The following ARHGAP24 variants were observed in gnomAD, a reference collection of about 807,000 sequenced individuals.
ARHGAP24 encodes the protein Rho GTPase activating protein 24.
A neutral mutation model predicts 76.4 loss-of-function variants in ARHGAP24; 50 were observed. The ratio of observed to expected loss-of-function variants is 0.65; its 90% CI spans 0.52 to 0.83. ARHGAP24 has a LOEUF of 0.83. Ranked by LOEUF, ARHGAP24 falls within the 40% of genes least tolerant of loss-of-function variation. The pLI, the probability that ARHGAP24 is intolerant of heterozygous loss-of-function variation, is 0.00. For synonymous variants in ARHGAP24, 345 were observed against 323.3 expected, an observed-to-expected ratio of 1.07 and a Z score of -0.72; for missense variants, 930 against 914.2, an observed-to-expected ratio of 1.02 and a Z score of -0.22.
At chr4:85,525,297 C>T (rs1724940265) in intron 1 of ARHGAP24, among the ~76,000 whole-genome samples, 1 of 139,174 alleles carries the variant, frequency 7.2e-6, no homozygotes. Context: ...ATTTGTGGCT[C>T]CTTTTATGCA....
At chr4:85,635,067 A>G (rs539019200) in intron 2 of ARHGAP24, among the ~76,000 whole-genome samples, 1 of 151,984 alleles carries the variant, frequency 6.6e-6, no homozygotes, top group East Asian at 1.9e-4. Context: ...TGCTACCAAG[A>G]CCAATATATG....
chr4:85,824,765 C>T (rs1414216190), intron 3 of ARHGAP24, among the ~76,000 whole-genome samples: 1 of 152,048 alleles, frequency 6.6e-6, no homozygotes, highest in Non-Finnish European at 1.5e-5. Context: ...ATGGTAATTA[C>T]ACTAGGGCAA....
At chr4:85,899,051 A>T (rs1734350428) in intron 3 of ARHGAP24, among the ~76,000 whole-genome samples, 1 of 152,204 alleles carries the variant, frequency 6.6e-6, no homozygotes, top group Non-Finnish European at 1.5e-5. Context: ...GCCTGTGTAT[A>T]CATTTTTTAA....
At chr4:85,534,618 A>G (rs949845904) in intron 1 of ARHGAP24, among the ~76,000 whole-genome samples, 2 of 152,178 alleles carry the variant, frequency 1.3e-5, no homozygotes, top group African/African-American at 4.8e-5. Flanking sequence ...AAGGTCTTAG[A>G]ACTCAGCAGC....
Position 85,875,579 on chromosome 4 carries a change from A to AT in ARHGAP24, c.269-48069_269-48068insT, listed in dbSNP as rs1207240098. Among the ~76,000 whole-genome samples the AT allele has an allele frequency of 2.1e-3, 223 of 105,160 alleles. 4 individuals are homozygous for AT. In the East Asian group the frequency reaches 0.031, roughly 15 times the overall value. 69.0% of individuals were successfully genotyped at this position (105,160 alleles called of 152,430 possible). On this transcript the variant is annotated intron_variant, in intron 3 of 9. Coordinates refer to ENST00000395184, the MANE Select transcript of ARHGAP24 (RefSeq NM_001025616.3). The stretch of plus-strand genomic sequence containing the variant: ...TATATTTTTATATTATATAATATAT[A>AT]ATATATATTTTATATTATATTTTTA...
At chr4:85,835,306 C>T (rs1173172392) in intron 3 of ARHGAP24, among the ~76,000 whole-genome samples, 4 of 151,498 alleles carry the variant, frequency 2.6e-5, no homozygotes, top group Admixed American at 2.0e-4. Context: ...TGCCTGTAAT[C>T]CCAGCACTTT....
intron 1 of ARHGAP24, among the ~76,000 whole-genome samples, chr4:85,503,430 C>T (rs2110100648): frequency 6.6e-6 from 1 of 152,296 alleles, no homozygotes; most frequent in South Asian, 2.1e-4. Flanking sequence ...CATCTTCTTC[C>T]TGGTTTAGTC....
At chr4:85,539,665 T>G (rs1019374091) in intron 1 of ARHGAP24, among the ~76,000 whole-genome samples, 1 of 152,190 alleles carries the variant, frequency 6.6e-6, no homozygotes, top group African/African-American at 2.4e-5. Context: ...AAAGGAAAAT[T>G]GAAAAAAAGC....
At position 85,995,637 on chromosome 4, in the gene ARHGAP24, G is replaced by A; in HGVS notation, c.1983G>A (p.Glu661=). 6.2e-7 allele frequency: 1 copy of A among 1,613,970 alleles called. No individual in the cohort carries two copies. Among genetic ancestry groups the A allele is most frequent in the Non-Finnish European group, 8.5e-7 (1 of 1,179,968 alleles). The part of the protein sequence containing the change: ...LKQEMTKQKI[E]YESRIKSLEQ... ...AGGAAATGACCAAACAGAAGATAGAGTATGAGTCCAGGATAAAGAGGTAAG... is the reference window on the plus strand; with the variant it reads ...AGGAAATGACCAAACAGAAGATAGAATATGAGTCCAGGATAAAGAGGTAAG... Residue 661 remains glutamate (E), a synonymous_variant, in exon 9 of 10, where the codon GAG becomes GAA. Transcript: ENST00000395184.
chr4:85,807,825 C>T (rs1728856034), intron 3 of ARHGAP24, among the ~76,000 whole-genome samples: 1 of 152,130 alleles, frequency 6.6e-6, no homozygotes, highest in African/African-American at 2.4e-5. Context: ...ACCGCTATTC[C>T]AAGGTCCTGC....
chr4:85,633,804 T>A (rs1026165106), intron 2 of ARHGAP24, among the ~76,000 whole-genome samples: 1 of 151,938 alleles, frequency 6.6e-6, no homozygotes, highest in Non-Finnish European at 1.5e-5. Flanking sequence ...GGAGCCTGAT[T>A]TCTCCTCTCT....
At chr4:85,590,822 A>G (rs1008940568) in intron 2 of ARHGAP24, among the ~76,000 whole-genome samples, 1 of 152,158 alleles carries the variant, frequency 6.6e-6, no homozygotes, top group Non-Finnish European at 1.5e-5. Context: ...AGACTGAAAT[A>G]TCTGTTTATT....
intron 2 of ARHGAP24, among the ~76,000 whole-genome samples, chr4:85,661,254 A>G (rs1162850708): frequency 3.1e-5 from 1 of 32,284 alleles, no homozygotes; most frequent in Non-Finnish European, 5.9e-5. Flanking sequence ...AGCTTAGTTA[A>G]CTGAAATTAC....
In ARHGAP24 at chr4:85,570,715, G is replaced by A. The variant is rs772314636; in HGVS notation, c.174G>A (p.Lys58=). The A allele has an allele frequency of 2.5e-6, 4 of 1,614,012 alleles. No homozygotes were observed. The highest frequency in any genetic ancestry group is 2.2e-5 in the East Asian group (1 of 44,858). ...ATTTCAAAGATGAAGATGAAACCAA[G>A]CCCTTGGTGAGTAGGAGAAAATGTA... The part of the protein sequence containing the change: ...LYYFKDEDET[K]PLGTIFLPGN... The change falls in exon 2 of 10, where the codon AAG becomes AAA. Residue 58 remains lysine (K), a synonymous_variant. Transcript: ENST00000395184.
chr4:85,864,025 T>C (rs345352), intron 3 of ARHGAP24, among the ~76,000 whole-genome samples: 144,884 of 152,092 alleles, frequency 0.95, 69,464 homozygotes, highest in East Asian at 1. Context: ...AGACTGGTCG[T>C]CCCATCTTAA....
chr4:85,917,686 G>GT (rs1197078734), intron 3 of ARHGAP24, among the ~76,000 whole-genome samples: 2 of 152,094 alleles, frequency 1.3e-5, no homozygotes, highest in African/African-American at 4.8e-5. Context: ...TTTTTCATGT[G>GT]TTTTTTGGCT....
chr4:85,994,478 T>A (rs1740523314), intron 8 of ARHGAP24, 105 bp from the exon 9 acceptor site: 2 of 1,126,568 alleles, frequency 1.8e-6, no homozygotes, highest in Admixed American at 3.4e-5. Flanking sequence ...GTACTGATAA[T>A]AATAATGAAT....
rs112701584 is a variant in ARHGAP24, at chr4:85,972,315, C to T, written c.732+147C>T. On this transcript the variant is annotated intron_variant, in intron 6 of 9. Coordinates refer to ENST00000395184, the MANE Select transcript of ARHGAP24 (RefSeq NM_001025616.3). ...TGACCTCACACACACTGAGACTTTC[C>T]GTATACAGCTCAAGCACCATTTCCG... 1.2e-4 allele frequency: 117 copies of T among 998,236 alleles called. 2 individuals carry two copies. The African/African-American group carries it at 1.7e-3, about 15-fold the overall frequency. The allele number at this position is 998,236 out of a possible 1,614,324, so 61.8% of individuals were successfully genotyped here. A position where few individuals can be genotyped will look rare whatever the true frequency, so the allele number is the denominator to read the frequency against.
intron 1 of ARHGAP24, among the ~76,000 whole-genome samples, chr4:85,540,544 T>C (rs962109140): frequency 4.6e-5 from 7 of 152,234 alleles, no homozygotes; most frequent in Admixed American, 3.9e-4. Context: ...AACATGTATA[T>C]ACATAATTTA....
Sources: gnomAD v4.1 joint callset for allele counts (sites outside exome capture counted in the v4.1 genomes callset) on GRCh38, gnomAD v4.1.1 for gene constraint, MANE v1.5 for transcripts, NCBI Gene and HGNC (gene_info 2026-07-23, HGNC 2026-07-21) for gene names.